The following PIAS4 variants were observed in gnomAD, a reference collection of about 807,000 sequenced individuals.
The protein encoded by PIAS4 is E3 SUMO-protein ligase PIAS4.
Under a neutral mutation model 58.0 loss-of-function variants are expected in PIAS4, and 7 were observed. The ratio of observed to expected loss-of-function variants is 0.12; its 90% CI spans 0.07 to 0.23. PIAS4 has a LOEUF of 0.23. Among genes scored for constraint, PIAS4 ranks in the 10% least tolerant of loss-of-function variants. The pLI, the probability that PIAS4 is intolerant of heterozygous loss-of-function variation, is 1.00. For synonymous variants in PIAS4, 364 were observed against 312.4 expected (o/e 1.17, Z -1.74); for missense variants, 550 against 709.5 (o/e 0.78, Z 2.55).
chr19:4,030,326 A>G (rs950544741), intron 7 of PIAS4, among the ~76,000 whole-genome samples: 3 of 143,650 alleles, frequency 2.1e-5, no homozygotes, highest in Non-Finnish European at 4.8e-5. Flanking sequence ...CAATTTTAAA[A>G]GAAAGCCTGC....
rs759487716 is a variant in PIAS4 at position 4,033,094 on chromosome 19, C to T, written c.908-6C>T. ...CCTGACGGTGTCTTCCGTTCCCTCC[C>T]CACAGTCAAGGAGAAGCTGCGCCTT... On this transcript the variant is annotated splice_region_variant and splice_polypyrimidine_tract_variant and intron_variant, in intron 7 of 10. Coordinates refer to ENST00000262971, the MANE Select transcript of PIAS4 (RefSeq NM_015897.4). 4 of 1,610,908 alleles carry T rather than the reference C, an allele frequency of 2.5e-6. No homozygotes were observed. The South Asian group carries it at 3.3e-5, about 13-fold the overall frequency.
intron 3 of PIAS4, among the ~76,000 whole-genome samples, chr19:4,025,984 GA>G (rs2040159626): frequency 6.8e-6 from 1 of 146,318 alleles, no homozygotes; most frequent in African/African-American, 2.6e-5. Flanking sequence ...TGAGGCAGGA[GA>G]ATGGCGTGAA....
At chr19:4,024,190 A>AC in intron 3 of PIAS4, 70 bp downstream of exon 3, 1 of 1,091,038 alleles carries the variant, frequency 9.2e-7, no homozygotes, top group East Asian at 2.8e-5. Context: ...CTCACTGGGG[A>AC]GAGCCGGCAG....
intron 9 of PIAS4, among the ~76,000 whole-genome samples, chr19:4,036,149 TCCACAC>T (rs2040280946): frequency 1.2e-5 from 1 of 81,174 alleles, no homozygotes; most frequent in Non-Finnish European, 2.9e-5. Flanking sequence ...ATCCGTACAG[TCCACAC>T]CGTCATACAA....
intron 9 of PIAS4, among the ~76,000 whole-genome samples, chr19:4,035,910 TCTCACACACACACCTGCACACATC>T (rs2040273360): frequency 6.2e-3 from 3 of 484 alleles, no homozygotes; most frequent in Non-Finnish European, 0.012. Flanking sequence ...GTCCACACCG[TCTCACACACACACCTGCACACATC>T]CATACAGTCC....
chr19:4,037,286 C>T lies in PIAS4; in HGVS notation c.1143-88C>T. ...TCTTGCAGAGAGAAGTGGGGAGTGC[C>T]TGGCTGCATCCGGGAGGGATGGAGG... On this transcript the variant is annotated intron_variant, in intron 9 of 10. Transcript: ENST00000262971. The surrounding 1 kb of genome is among the most constrained non-coding windows in gnomAD (Gnocchi z 5.8). The T allele has an allele frequency of 6.8e-7, 1 of 1,475,692 alleles. No individual in the cohort carries two copies. The highest frequency in any genetic ancestry group is 9.0e-7 in the Non-Finnish European group (1 of 1,106,838). 91.4% of individuals were successfully genotyped at this position (1,475,692 alleles called of 1,614,324 possible).
chr19:4,011,555 C>G (rs1399877507), intron 1 of PIAS4, among the ~76,000 whole-genome samples: 1 of 152,250 alleles, frequency 6.6e-6, no homozygotes, highest in East Asian at 1.9e-4. Flanking sequence ...GTCGCTTTGA[C>G]CCAGGTCCTG....
In PIAS4 at chr19:4,033,218, G is replaced by A. The variant is rs201000018; in HGVS notation, c.981+45G>A. On this transcript the variant is annotated intron_variant, in intron 8 of 10. Transcript: ENST00000262971. ...CCTCCTCGAGGCCTCTCCTGCGGCC[G>A]GCCTTCCCCCCTGGCGGCCCTGGGC... 2.8e-5 allele frequency: 44 copies of A among 1,563,422 alleles called. No individual in the cohort carries two copies. The East Asian group carries it at 3.6e-4, about 13-fold the overall frequency.
At chr19:4,015,822 C>T (rs947671754) in intron 2 of PIAS4, among the ~76,000 whole-genome samples, 2 of 152,232 alleles carry the variant, frequency 1.3e-5, no homozygotes, top group Non-Finnish European at 2.9e-5. Context: ...CCGGAATAGC[C>T]GCCGGCCGGC....
intron 1 of PIAS4, among the ~76,000 whole-genome samples, chr19:4,011,673 G>A (rs35985287): frequency 2.4e-5 from 2 of 81,878 alleles, no homozygotes; most frequent in Non-Finnish European, 5.6e-5. Context: ...TGGAGGTGTG[G>A]GGGGTGTGGA....
intron 7 of PIAS4, among the ~76,000 whole-genome samples, chr19:4,030,214 C>T (rs2144933695): frequency 6.6e-6 from 1 of 151,980 alleles, no homozygotes; most frequent in African/African-American, 2.4e-5. Flanking sequence ...GCACCTGCCT[C>T]AATCTCCCAA....
intron 1 of PIAS4, among the ~76,000 whole-genome samples, chr19:4,010,420 A>G (rs1376659979): frequency 6.6e-6 from 1 of 152,252 alleles, no homozygotes; most frequent in Admixed American, 6.5e-5. Flanking sequence ...TCCACATGAC[A>G]TCGTCTCTCC....
chr19:4,023,874 A>G (rs1165924399), intron 2 of PIAS4, among the ~76,000 whole-genome samples, 162 bp from the exon 3 acceptor site: 1 of 152,066 alleles, frequency 6.6e-6, no homozygotes, highest in Non-Finnish European at 1.5e-5. Context: ...GTCCTCCCTC[A>G]TCCTCCTTCC....
Position 4,037,914 on chromosome 19 carries a change from C to A in PIAS4, c.*39C>A. On this transcript the variant is annotated 3_prime_UTR_variant, in exon 11 of 11. Coordinates refer to ENST00000262971, the MANE Select transcript of PIAS4 (RefSeq NM_015897.4). The surrounding 1 kb of genome is among the most constrained non-coding windows in gnomAD (Gnocchi z 5.8). ...CTCGACTTTCCTGGTGCTCACCACG[C>A]AGAGGGGCACGGGCCAGCCTCGGGC... 6.4e-7 allele frequency: 1 copy of A among 1,555,076 alleles called. No individual in the cohort carries two copies. Among genetic ancestry groups the A allele is most frequent in the Non-Finnish European group, 8.6e-7 (1 of 1,157,374 alleles).
intron 3 of PIAS4, 71 bp from the exon 4 acceptor site, chr19:4,028,075 G>A (rs563785400): frequency 6.9e-6 from 10 of 1,451,540 alleles, no homozygotes; most frequent in East Asian, 6.8e-5. Context: ...CCACCTTGTC[G>A]GGTGGGCTGG....
At chr19:4,033,223 T>C in intron 8 of PIAS4, 50 bp downstream of exon 8, 3 of 1,539,142 alleles carry the variant, frequency 1.9e-6, no homozygotes, top group Non-Finnish European at 1.8e-6. Flanking sequence ...CGGCCGGCCT[T>C]CCCCCCTGGC....
chr19:4,039,192 A>G lies in PIAS4; in HGVS notation c.*1317A>G, dbSNP rs1212908822. The G allele has an allele frequency of 3.9e-5, 6 of 152,378 alleles. No homozygotes were observed. The highest frequency in any genetic ancestry group is 7.2e-5 in the African/African-American group (3 of 41,578). 9.4% of individuals were successfully genotyped at this position (152,378 alleles called of 1,614,324 possible). A position where few individuals can be genotyped will look rare whatever the true frequency, so the allele number is the denominator to read the frequency against. ...AAACAGAACTCCTAGTCAGGAAGCA[A>G]TATCATTTCAGGTCTAAAGAAAGGG... On this transcript the variant is annotated 3_prime_UTR_variant, in exon 11 of 11. Transcript: ENST00000262971.
chr19:4,019,402 A>T (rs149523849), intron 2 of PIAS4, among the ~76,000 whole-genome samples: 72 of 152,282 alleles, frequency 4.7e-4, no homozygotes, highest in Non-Finnish European at 9.3e-4. Context: ...TTGTTCTTCA[A>T]TGACTGGGCC....
rs1207561277 is a variant in PIAS4 at position 4,037,220 on chromosome 19, G to A, written c.1143-154G>A. On this transcript the variant is annotated intron_variant, in intron 9 of 10. Coordinates refer to ENST00000262971, the MANE Select transcript of PIAS4 (RefSeq NM_015897.4). The surrounding 1 kb of genome is among the most constrained non-coding windows in gnomAD (Gnocchi z 5.8). The stretch of plus-strand genomic sequence containing the variant: ...GGGGCCTGAGGGCGGGGGAGGGAAT[G>A]CGGGGTCCCTGGACCCCTGCGGTCG... Among the ~76,000 whole-genome samples, 2 of 152,150 alleles carry A rather than the reference G, an allele frequency of 1.3e-5. No homozygotes were observed. Among genetic ancestry groups the A allele is most frequent in the Non-Finnish European group, 2.9e-5 (2 of 67,996 alleles).
Sources: gnomAD v4.1 joint callset for allele counts (sites outside exome capture counted in the v4.1 genomes callset) on GRCh38, gnomAD v4.1.1 for gene constraint, Gnocchi (gnomAD v3.1) non-coding constraint, MANE v1.5 for transcripts, NCBI Gene and HGNC (gene_info 2026-07-23, HGNC 2026-07-21) for gene names.